PEAK1: variants seen among roughly 807,000 people sequenced by gnomAD.
The protein encoded by PEAK1 is inactive tyrosine-protein kinase PEAK1.
In PEAK1, 54 loss-of-function variants were observed where a neutral mutation model predicts 124.7. That is an observed-to-expected ratio of 0.43 (90% CI 0.35 to 0.54). The LOEUF is 0.54. Ranked by LOEUF, PEAK1 falls within the 20% of genes least tolerant of loss-of-function variation. PEAK1 has a pLI of 0.01. For missense variants in PEAK1, 2,046 were observed against 2,134.5 expected, an observed-to-expected ratio of 0.96 and a Z score of 0.82; for synonymous variants, 719 against 760.0, an observed-to-expected ratio of 0.95 and a Z score of 0.89.
At chr15:77,105,355 T>TGTGC (rs1555407954), downstream of PEAK1, 1 of 78,592 alleles carries the variant, frequency 1.3e-5, no homozygotes, top group African/African-American at 4.2e-5. Context: ...TGTGTGTGTG[T>TGTGC]GTGCGCGCGT....
chr15:77,168,633 A>AGT (rs147829803), intron 7 of PEAK1, among the ~76,000 whole-genome samples: 1,887 of 152,324 alleles, frequency 0.012, 33 homozygotes, highest in African/African-American at 0.042. Context: ...GGAGTGGATT[A>AGT]GGGGGCTCTC....
chr15:77,316,303 A>T (rs2064868644), intron 2 of PEAK1, among the ~76,000 whole-genome samples: 1 of 152,230 alleles, frequency 6.6e-6, no homozygotes, highest in African/African-American at 2.4e-5. Flanking sequence ...CTGTAATGCC[A>T]TCACCACAAA....
intron 9 of PEAK1, among the ~76,000 whole-genome samples, chr15:77,116,748 CTATCT>C (rs2051424657): frequency 7.3e-6 from 1 of 137,266 alleles, no homozygotes; most frequent in East Asian, 2.1e-4. Context: ...ATCTATCTAT[CTATCT>C]ATACCTCAGC....
intron 6 of PEAK1, among the ~76,000 whole-genome samples, chr15:77,250,123 TTTTA>T (rs1331189693): frequency 7.3e-6 from 1 of 137,266 alleles, no homozygotes; most frequent in African/African-American, 3.2e-5. Flanking sequence ...AGAGATTTTT[TTTTA>T]AAGAAATCAC....
rs552318939 is a variant in PEAK1 at position 77,174,983 on chromosome 15, G to C, written c.3137+3807C>G. ...ACTATCTGATCTTTGACAAACCTGA[G>C]AAAAACAAGCAATGGGGAAAGGATT... On this transcript the variant is annotated intron_variant, in intron 7 of 9. Transcript: ENST00000682557. Among the ~76,000 whole-genome samples, 11 of 151,234 alleles carry C rather than the reference G, an allele frequency of 7.3e-5. 1 individual carries two copies. The highest frequency in any genetic ancestry group is 7.3e-5 in the African/African-American group (3 of 41,250).
At chr15:77,245,573 C>A (rs954337833) in intron 6 of PEAK1, among the ~76,000 whole-genome samples, 8 of 152,038 alleles carry the variant, frequency 5.3e-5, no homozygotes, top group Non-Finnish European at 7.4e-5. Context: ...GTGGCACACA[C>A]CTGTAGTCCC....
intron 2 of PEAK1, among the ~76,000 whole-genome samples, chr15:77,356,376 G>A (rs1251153891): frequency 6.6e-6 from 1 of 152,092 alleles, no homozygotes; most frequent in Non-Finnish European, 1.5e-5. Flanking sequence ...TATTAGAGAG[G>A]CTGTAAAACA....
In PEAK1 at chr15:77,133,126, A is replaced by C. The variant is rs753765536; in HGVS notation, c.3956T>G (p.Phe1319Cys). The change falls in exon 9 of 10, where the codon TTT becomes TGT. Residue 1319 changes from phenylalanine (F) to cysteine (C), a missense_variant. Transcript: ENST00000682557. This position sits in a 1 kb window ranked among gnomAD's most constrained non-coding sequence, Gnocchi z 4.2. ...FMAGQKDQLR[F>C]GVDSWSDFRL... Reference sequence around the variant, plus strand: ...GAAGTCTGACCAGCTGTCCACTCCAAAACGGAGCTGGTCTTTCTGCCCAGC... The same window carrying C: ...GAAGTCTGACCAGCTGTCCACTCCACAACGGAGCTGGTCTTTCTGCCCAGC... The C allele has an allele frequency of 6.2e-7, 1 of 1,614,224 alleles. No homozygotes were observed. The highest frequency in any genetic ancestry group is 8.5e-7 in the Non-Finnish European group (1 of 1,180,030).
exon 7 of PEAK1, chr15:77,102,122 T>C (rs918134944): frequency 6.6e-6 from 1 of 152,232 alleles, no homozygotes; most frequent in Admixed American, 6.5e-5. Flanking sequence ...TAAACAGGCA[T>C]TATTTTTATA....
At chr15:77,330,673 C>T (rs1239454920) in intron 2 of PEAK1, among the ~76,000 whole-genome samples, 2 of 152,150 alleles carry the variant, frequency 1.3e-5, no homozygotes, top group African/African-American at 2.4e-5. Flanking sequence ...TCTCTTCCTC[C>T]CTAACTTTCT....
intron 6 of PEAK1, among the ~76,000 whole-genome samples, chr15:77,221,895 A>G (rs568573519): frequency 1.6e-4 from 25 of 152,192 alleles, no homozygotes; most frequent in Non-Finnish European, 3.2e-4. Flanking sequence ...TGCAACGCCA[A>G]TTTTAAGTCG....
At chr15:77,383,868 C>T (rs2069693570) in intron 1 of PEAK1, among the ~76,000 whole-genome samples, 1 of 152,084 alleles carries the variant, frequency 6.6e-6, no homozygotes, top group African/African-American at 2.4e-5. Flanking sequence ...TTCTAAGCTA[C>T]CTGGTGCACT....
At chr15:77,300,681 T>C (rs2063740273) in intron 2 of PEAK1, among the ~76,000 whole-genome samples, 1 of 152,196 alleles carries the variant, frequency 6.6e-6, no homozygotes, top group Admixed American at 6.5e-5. Flanking sequence ...GCCCTTTTTC[T>C]GTTTCAGGGT....
Position 77,180,799 on chromosome 15 carries a change from A to G in PEAK1, c.1128T>C (p.Asp376=). 1 of 1,613,988 alleles carries G rather than the reference A, an allele frequency of 6.2e-7. No homozygotes were observed. Residue 376 remains aspartate (D), a synonymous_variant, in exon 7 of 10, where the codon GAT becomes GAC. Transcript: ENST00000682557. ...GCTCAATTTCCTTCATGTCCTTAGA[A>G]TCTCCTGGGTTACCAGGAGATAATC... The part of the protein sequence containing the change: ...NGGLSPGNPG[D]SKDMKEIEPN...
At chr15:77,171,039 T>G (rs1023220553) in intron 7 of PEAK1, among the ~76,000 whole-genome samples, 2 of 152,160 alleles carry the variant, frequency 1.3e-5, no homozygotes, top group African/African-American at 4.8e-5. Flanking sequence ...TGAACTAAAA[T>G]TTGACCCACT....
intron 7 of PEAK1, 27 bp downstream of exon 7, chr15:77,178,763 C>A (rs11856513): frequency 0.26 from 409,134 of 1,579,214 alleles, 55,521 homozygotes; most frequent in Non-Finnish European, 0.28. Context: ...AAAAAATTCC[C>A]ATATTCTTCC....
At chr15:77,301,552 T>C (rs1284607398) in intron 2 of PEAK1, among the ~76,000 whole-genome samples, 1 of 152,170 alleles carries the variant, frequency 6.6e-6, no homozygotes, top group Non-Finnish European at 1.5e-5. Context: ...AAACTGTGAT[T>C]TATTTGATTT....
intron 5 of PEAK1, among the ~76,000 whole-genome samples, chr15:77,266,230 T>G (rs1393746683): frequency 1.3e-5 from 2 of 152,076 alleles, no homozygotes; most frequent in African/African-American, 4.8e-5. Flanking sequence ...TGTGCACATG[T>G]ACCCTAAAAG....
In PEAK1 at chr15:77,338,137, AG is replaced by A. The variant is rs534013498; in HGVS notation, c.-603+27025del. On this transcript the variant is annotated intron_variant, in intron 2 of 9. Coordinates refer to ENST00000682557, the MANE Select transcript of PEAK1 (RefSeq NM_001385026.1). Reference sequence around the variant, plus strand: ...ATAATCAAATCAGCAGTGACAGATTAGCATGGACAATTAATACAGCAGACAA... The same window carrying A: ...ATAATCAAATCAGCAGTGACAGATTACATGGACAATTAATACAGCAGACAA... 586 of 978,112 alleles carry A rather than the reference AG, an allele frequency of 6.0e-4. 1 individual carries two copies. Among genetic ancestry groups the A allele is most frequent in the Non-Finnish European group, 6.9e-4 (571 of 823,384 alleles). 60.6% of individuals were successfully genotyped at this position (978,112 alleles called of 1,614,324 possible). A position where few individuals can be genotyped will look rare whatever the true frequency, so the allele number is the denominator to read the frequency against.
Sources: gnomAD v4.1 joint callset for allele counts (sites outside exome capture counted in the v4.1 genomes callset) on GRCh38, gnomAD v4.1.1 for gene constraint, Gnocchi (gnomAD v3.1) non-coding constraint, MANE v1.5 for transcripts, NCBI Gene and HGNC (gene_info 2026-07-23, HGNC 2026-07-21) for gene names.